The following ZNF358 variants were observed in gnomAD, a reference collection of about 807,000 sequenced individuals.
ZNF358 encodes zinc finger protein 358.
ZNF358 carries 1 observed loss-of-function variant against 2.1 expected under a neutral mutation model. That is an observed-to-expected ratio of 0.49 (90% CI 0.17 to 2.30). The LOEUF (loss-of-function observed/expected upper bound fraction) is 2.30. Ranked by LOEUF, ZNF358 falls within the 30% of genes most tolerant of loss-of-function variation. The pLI is 0.26. For synonymous variants in ZNF358, 381 were observed against 359.7 expected (o/e 1.06, Z -0.67); for missense variants, 665 against 806.8 (o/e 0.82, Z 2.13).
chr19:7,520,341 C>T lies in ZNF358; in HGVS notation c.1099C>T (p.His367Tyr). 6.2e-7 allele frequency: 1 copy of T among 1,612,380 alleles called. No homozygotes were observed. The highest frequency in any genetic ancestry group is 8.5e-7 in the Non-Finnish European group (1 of 1,179,708). The change falls in exon 2 of 2, where the codon CAC becomes TAC. Residue 367 changes from histidine (H) to tyrosine (Y), a missense_variant. By Grantham distance (83) the His-to-Tyr change is moderately conservative. Transcript: ENST00000597229. This position sits in a 1 kb window ranked among gnomAD's most constrained non-coding sequence, Gnocchi z 6.0. ...GQSSALLQHL[H>Y]VHSGERPYRC... ...GAGCTCAGCGCTGCTCCAGCACCTG[C>T]ACGTGCATTCGGGCGAGCGTCCCTA...
At position 7,519,064 on chromosome 19, in the gene ZNF358, CAAAAAAAAAAAAA is replaced by C; in HGVS notation, c.-38-130_-38-118del. Reference sequence around the variant, plus strand: ...TTGGCAACAGAACGAGACCCCATCTCAAAAAAAAAAAAAAAAAAAAAAAGAAGTGGGTTCTGGG... The same window carrying C: ...TTGGCAACAGAACGAGACCCCATCTCAAAAAAAAAAGAAGTGGGTTCTGGG... On this transcript the variant is annotated intron_variant, in intron 1 of 1. Transcript: ENST00000597229. 4 of 574,726 alleles carry C rather than the reference CAAAAAAAAAAAAA, an allele frequency of 7.0e-6. No homozygotes were observed. The South Asian group carries it at 1.4e-4, about 20-fold the overall frequency. The allele number at this position is 574,726 out of a possible 1,614,324, so 35.6% of individuals were successfully genotyped here. A position where few individuals can be genotyped will look rare whatever the true frequency, so the allele number is the denominator to read the frequency against.
chr19:7,517,228 G>A (rs1259060920), intron 1 of ZNF358, among the ~76,000 whole-genome samples: 1 of 152,034 alleles, frequency 6.6e-6, no homozygotes, highest in Non-Finnish European at 1.5e-5. Flanking sequence ...CTCCCAGTCT[G>A]CCCCTAGCCA....
upstream of ZNF358, chr19:7,515,373 A>C (rs2022322501): frequency 6.6e-6 from 1 of 152,204 alleles, no homozygotes; most frequent in East Asian, 1.9e-4. Context: ...TAGCACTTGG[A>C]GGCCTCCAGG....
rs1284613445 is a variant in ZNF358, at chr19:7,516,116, C to A, written c.-172C>A. The A allele has an allele frequency of 1.0e-5, 1 of 98,552 alleles. No homozygotes were observed. The highest frequency in any genetic ancestry group is 3.6e-4 in the South Asian group (1 of 2,806). The allele number at this position is 98,552 out of a possible 1,614,324, so 6.1% of individuals were successfully genotyped here. On this transcript the variant is annotated 5_prime_UTR_variant, in exon 1 of 2. Transcript: ENST00000597229. This position sits in a 1 kb window ranked among gnomAD's most constrained non-coding sequence, Gnocchi z 5.9. ...CCCTCGGCCGGCCCCTCTCGCTCCC[C>A]GGGAGCGCCTGGCGGGGCCGCTGGG...
intron 1 of ZNF358, 130 bp from the exon 2 acceptor site, chr19:7,519,075 A>C: frequency 8.6e-7 from 1 of 1,160,620 alleles, no homozygotes. Context: ...AAAAAAAAAA[A>C]AAAAAAAAAA....
Position 7,520,615 on chromosome 19 carries a change from C to G in ZNF358, c.1373C>G (p.Ser458Cys), listed in dbSNP as rs778680031. The change falls in exon 2 of 2, where the codon TCT becomes TGT. Residue 458 changes from serine to cysteine, a missense_variant. Physicochemically the swap from Ser to Cys is moderately radical, Grantham distance 112. Around this residue, in one of 3 missense-constraint regions of ZNF358, gnomAD observed 249 missense variants for 227.6 expected, o/e 1.09. Transcript: ENST00000597229. This position sits in a 1 kb window ranked among gnomAD's most constrained non-coding sequence, Gnocchi z 6.0. ...SGLGLSPGTS[S>C]GRNPDPGSGP... ...TTGGGCCTCAGCCCTGGCACCAGCT[C>G]TGGCCGCAACCCTGACCCTGGCTCT... The G allele has an allele frequency of 6.7e-7, 1 of 1,500,386 alleles. No homozygotes were observed. The highest frequency in any genetic ancestry group is 1.2e-5 in the South Asian group (1 of 84,142). The allele number at this position is 1,500,386 out of a possible 1,614,324, so 92.9% of individuals were successfully genotyped here. A position where few individuals can be genotyped will look rare whatever the true frequency, so the allele number is the denominator to read the frequency against.
In ZNF358 at chr19:7,519,704, G is replaced by A. The variant is rs1464466373; in HGVS notation, c.462G>A (p.Pro154=). ...GCCCGCCCCGGCCCTTCTCCTGCCC[G>A]GATTGCGGGCGAGCCTTCCGCCGCA... ...PASPPRPFSC[P]DCGRAFRRSS... The change falls in exon 2 of 2, where the codon CCG becomes CCA. Residue 154 remains proline, a synonymous_variant. Transcript: ENST00000597229. The A allele has an allele frequency of 1.3e-6, 2 of 1,565,268 alleles. No homozygotes were observed. Among genetic ancestry groups the A allele is most frequent in the Non-Finnish European group, 8.6e-7 (1 of 1,162,758 alleles).
rs758071669 is a variant in ZNF358, at chr19:7,520,688, C to G, written c.1446C>G (p.Ser482=). 1.2e-6 allele frequency: 2 copies of G among 1,613,624 alleles called. No homozygotes were observed. Among genetic ancestry groups the G allele is most frequent in the East Asian group, 4.5e-5 (2 of 44,858 alleles). Residue 482 remains serine (S), a synonymous_variant, in exon 2 of 2, where the codon TCC becomes TCG. Coordinates refer to ENST00000597229, the MANE Select transcript of ZNF358 (RefSeq NM_018083.5). This position sits in a 1 kb window ranked among gnomAD's most constrained non-coding sequence, Gnocchi z 6.0. The part of the protein sequence containing the change: ...PDPSSKPLPG[S]RSTPSPTPVE... ...CCAGCTCCAAACCCCTCCCCGGCTCCAGATCCACCCCCAGCCCTACTCCTG... is the reference window on the plus strand; with the variant it reads ...CCAGCTCCAAACCCCTCCCCGGCTCGAGATCCACCCCCAGCCCTACTCCTG...
Position 7,520,847 on chromosome 19 carries a change from C to T in ZNF358, c.1605C>T (p.Asp535=). The T allele has an allele frequency of 6.2e-7, 1 of 1,614,116 alleles. No individual in the cohort carries two copies. The highest frequency in any genetic ancestry group is 8.5e-7 in the Non-Finnish European group (1 of 1,180,012). ...SPDPNPVSCP[D]PCSPTRGTVS... ...ATCCCAACCCTGTGTCCTGCCCTGA[C>T]CCCTGTTCTCCCACTCGTGGCACTG... The change falls in exon 2 of 2, where the codon GAC becomes GAT. Residue 535 remains aspartate, a synonymous_variant. Transcript: ENST00000597229. The surrounding 1 kb of genome is among the most constrained non-coding windows in gnomAD (Gnocchi z 6.0).
At position 7,516,561 on chromosome 19, in the gene ZNF358, C is replaced by G. The variant is rs1005485763; in HGVS notation, c.-39+312C>G. 2.0e-5 allele frequency among the ~76,000 whole-genome samples: 3 copies of G among 151,856 alleles called. No homozygotes were observed. Among genetic ancestry groups the G allele is most frequent in the African/African-American group, 7.2e-5 (3 of 41,380 alleles). On this transcript the variant is annotated intron_variant, in intron 1 of 1. Transcript: ENST00000597229. The surrounding 1 kb of genome is among the most constrained non-coding windows in gnomAD (Gnocchi z 5.9). ...CTGGGGTCTGGAGCTCAGGACGCCC[C>G]CTCCCTAGGAGGCGATCCAGGACCC...
chr19:7,520,117 C>A lies in ZNF358; in HGVS notation c.875C>A (p.Pro292Gln). 2 of 1,594,068 alleles carry A rather than the reference C, an allele frequency of 1.3e-6. No homozygotes were observed. The highest frequency in any genetic ancestry group is 2.2e-5 in the South Asian group (2 of 90,602). Reference sequence around the variant, plus strand: ...ACGCACACGGGCGAGCGGCCCTACCCGTGTCCGCAGTGCGGCAAGGCCTTC... The same window carrying A: ...ACGCACACGGGCGAGCGGCCCTACCAGTGTCCGCAGTGCGGCAAGGCCTTC... ...LRTHTGERPY[P>Q]CPQCGKAFGQ... Residue 292 changes from proline (P) to glutamine (Q), a missense_variant, in exon 2 of 2, where the codon CCG becomes CAG. Transcript: ENST00000597229. This position sits in a 1 kb window ranked among gnomAD's most constrained non-coding sequence, Gnocchi z 6.0.
At chr19:7,515,891 A>G (rs1483350606), upstream of ZNF358, among the ~76,000 whole-genome samples, 1 of 151,982 alleles carries the variant, frequency 6.6e-6, no homozygotes, top group Non-Finnish European at 1.5e-5. Flanking sequence ...AGGGCCACAG[A>G]GGGACTGAGA....
intron 1 of ZNF358, among the ~76,000 whole-genome samples, chr19:7,518,128 A>G (rs2022370718): frequency 6.6e-6 from 1 of 152,190 alleles, no homozygotes; most frequent in Non-Finnish European, 1.5e-5. Context: ...AGAGAGGTGC[A>G]GAGCCATGGA....
Position 7,519,498 on chromosome 19 carries a change from G to T in ZNF358, c.256G>T (p.Asp86Tyr). ...EAPGSEPQDP[D>Y]PMSSSFDLDP... ...TCCGGGCTCGGAACCCCAAGATCCCGACCCCATGTCTTCGAGTTTCGACCT... is the reference window on the plus strand; with the variant it reads ...TCCGGGCTCGGAACCCCAAGATCCCTACCCCATGTCTTCGAGTTTCGACCT... The change falls in exon 2 of 2, where the codon GAC becomes TAC. Residue 86 changes from aspartate to tyrosine, a missense_variant. Physicochemically the swap from Asp to Tyr is radical, Grantham distance 160. Around this residue, in one of 3 missense-constraint regions of ZNF358, gnomAD observed 206 missense variants for 228.4 expected, o/e 0.90. Transcript: ENST00000597229. 1 of 1,612,954 alleles carries T rather than the reference G, an allele frequency of 6.2e-7. No individual in the cohort carries two copies.
rs1486401951 is a variant in ZNF358 at position 7,519,817 on chromosome 19, C to T, written c.575C>T (p.Ala192Val). 1 of 1,530,200 alleles carries T rather than the reference C, an allele frequency of 6.5e-7. No individual in the cohort carries two copies. The highest frequency in any genetic ancestry group is 2.0e-5 in the Admixed American group (1 of 49,918). 94.8% of individuals were successfully genotyped at this position (1,530,200 alleles called of 1,614,324 possible). Residue 192 changes from alanine to valine, a missense_variant, in exon 2 of 2, where the codon GCC becomes GTC. Ala to Val is a moderately conservative substitution (Grantham distance 64, BLOSUM62 0). This residue lies in a region of ZNF358 where 210 missense variants were observed against 350.8 expected (regional missense o/e 0.60). Coordinates refer to ENST00000597229, the MANE Select transcript of ZNF358 (RefSeq NM_018083.5). Reference protein sequence around the residue: ...PDCGKSFSHGATLAQHRGIHT... With the variant: ...PDCGKSFSHGVTLAQHRGIHT... ...TGCGGGAAGTCCTTCAGCCACGGTG[C>T]CACCCTGGCTCAGCACCGTGGCATC... is the stretch of plus-strand genomic sequence containing the variant.
At position 7,516,441 on chromosome 19, in the gene ZNF358, G is replaced by A. The variant is rs921949433; in HGVS notation, c.-39+192G>A. Among the ~76,000 whole-genome samples, 9 of 151,582 alleles carry A rather than the reference G, an allele frequency of 5.9e-5. No homozygotes were observed. The highest frequency in any genetic ancestry group is 3.9e-4 in the Admixed American group (6 of 15,250). On this transcript the variant is annotated intron_variant, in intron 1 of 1. Coordinates refer to ENST00000597229, the MANE Select transcript of ZNF358 (RefSeq NM_018083.5). This position sits in a 1 kb window ranked among gnomAD's most constrained non-coding sequence, Gnocchi z 5.9. ...GGGAGGGGACTCTGCGGCCAGCTCC[G>A]GCCTAGCGCACCCATCCCGCCGCTG... is the stretch of plus-strand genomic sequence containing the variant.
chr19:7,519,634 C>A lies in ZNF358; in HGVS notation c.392C>A (p.Pro131His). 6.3e-7 allele frequency: 1 copy of A among 1,593,556 alleles called. No homozygotes were observed. The highest frequency in any genetic ancestry group is 8.5e-7 in the Non-Finnish European group (1 of 1,176,454). Residue 131 changes from proline to histidine, a missense_variant, in exon 2 of 2, where the codon CCC becomes CAC. Physicochemically the swap from Pro to His is moderately conservative, Grantham distance 77. Transcript: ENST00000597229. ...ATCTCCTCTGGCCTCACTGCCACCC[C>A]CCAGGTCTTGGCCACCAGCCCCGCG... ...DPISSGLTAT[P>H]QVLATSPAVL...
upstream of ZNF358, chr19:7,515,470 G>A (rs1172406922): frequency 6.6e-6 from 1 of 152,256 alleles, no homozygotes; most frequent in Non-Finnish European, 1.5e-5. Flanking sequence ...GTGTTACCCA[G>A]AAAGGGTGAC....
chr19:7,514,757 C>G (rs562072546), upstream of ZNF358, among the ~76,000 whole-genome samples: 1 of 152,126 alleles, frequency 6.6e-6, no homozygotes, highest in East Asian at 1.9e-4. Context: ...CTCAGCCTCC[C>G]GAGTAGCTGG....
Sources: allele counts gnomAD v4.1 joint callset (sites outside exome capture counted in the v4.1 genomes callset), GRCh38; gene constraint gnomAD v4.1.1; regional missense constraint gnomAD v4.1.1; non-coding constraint Gnocchi (gnomAD v3.1); transcripts MANE v1.5; gene names NCBI Gene and HGNC (gene_info 2026-07-23, HGNC 2026-07-21).